POU2F2: variants seen among roughly 807,000 people sequenced by gnomAD.
POU2F2 encodes POU class 2 homeobox 2.
In POU2F2, 14 loss-of-function variants were observed where a neutral mutation model predicts 63.5. The ratio of observed to expected loss-of-function variants is 0.22; its 90% CI spans 0.15 to 0.34. The LOEUF is 0.34. Among genes scored for constraint, POU2F2 ranks in the 10% least tolerant of loss-of-function variants. The probability of loss-of-function intolerance (pLI) is 1.00; values close to 1 mark genes in which losing one functional copy is unlikely to be tolerated. For synonymous variants in POU2F2, 306 were observed against 348.6 expected, an observed-to-expected ratio of 0.88 and a Z score of 1.36; for missense variants, 607 against 815.2, an observed-to-expected ratio of 0.74 and a Z score of 3.11.
upstream of POU2F2, among the ~76,000 whole-genome samples, chr19:42,135,037 G>A (rs1458117718): frequency 6.6e-6 from 1 of 151,956 alleles, no homozygotes; most frequent in Non-Finnish European, 1.5e-5. Flanking sequence ...CACCCCTGGG[G>A]ACCCTCTCTG....
chr19:42,159,477 G>A (rs2034514557), intron 2 of POU2F2, among the ~76,000 whole-genome samples: 1 of 152,134 alleles, frequency 6.6e-6, no homozygotes, highest in Admixed American at 6.5e-5. Flanking sequence ...GAGACCTGTG[G>A]GTTAAGCTTC....
At chr19:42,173,556 C>T (rs1177995246) in intron 1 of POU2F2, among the ~76,000 whole-genome samples, 1 of 146,482 alleles carries the variant, frequency 6.8e-6, no homozygotes, top group African/African-American at 2.5e-5. Flanking sequence ...GACGGACTTG[C>T]TAGAAAAAAA....
rs1331017770 is a variant in POU2F2 at position 42,092,492 on chromosome 19, C to CTG, written c.1265-224_1265-223dup. Among the ~76,000 whole-genome samples, 2 of 152,208 alleles carry CTG rather than the reference C, an allele frequency of 1.3e-5. No homozygotes were observed. Among genetic ancestry groups the CTG allele is most frequent in the African/African-American group, 4.8e-5 (2 of 41,454 alleles). On this transcript the variant is annotated intron_variant, in intron 12 of 14. Transcript: ENST00000692977. The surrounding 1 kb of genome is among the most constrained non-coding windows in gnomAD (Gnocchi z 5.0). ...TGGAAGTCAGAGCAGGTGCTTCCTGCTGAGCCCTGGCACTCTACACTCCCT... is the reference window on the plus strand; with the variant it reads ...TGGAAGTCAGAGCAGGTGCTTCCTGCTGTGAGCCCTGGCACTCTACACTCCCT...
chr19:42,182,242 AAGAGAGAGAGAGAGAGAG>A (rs55947953), intron 1 of POU2F2, among the ~76,000 whole-genome samples: 16 of 125,880 alleles, frequency 1.3e-4, no homozygotes, highest in African/African-American at 4.6e-4. Context: ...TCTGTCTCAA[AAGAGAGAGAGAGAGAGAG>A]AGAGAGAGAG....
At chr19:42,097,879 G>A (rs908312628) in intron 7 of POU2F2, among the ~76,000 whole-genome samples, 2 of 152,202 alleles carry the variant, frequency 1.3e-5, no homozygotes, top group African/African-American at 4.8e-5. Context: ...GTGATGAAGC[G>A]TAGGCTTTTA....
intron 1 of POU2F2, among the ~76,000 whole-genome samples, chr19:42,171,555 G>A (rs2146802303): frequency 6.6e-6 from 1 of 152,104 alleles, no homozygotes; most frequent in African/African-American, 2.4e-5. Context: ...TGGGCATGGG[G>A]GGCAGTGCGG....
At chr19:42,114,615 T>C (rs2031609280) in intron 5 of POU2F2, among the ~76,000 whole-genome samples, 2 of 152,126 alleles carry the variant, frequency 1.3e-5, no homozygotes, top group African/African-American at 4.8e-5. Flanking sequence ...CCATGTTCCG[T>C]GAAGGACAGC....
intron 5 of POU2F2, among the ~76,000 whole-genome samples, chr19:42,115,411 G>T (rs1189613220): frequency 6.6e-6 from 1 of 152,214 alleles, no homozygotes. Context: ...CTGTGGAAGT[G>T]GTTGGACGGA....
intron 4 of POU2F2, among the ~76,000 whole-genome samples, chr19:42,119,983 A>G (rs2032401144): frequency 6.6e-6 from 1 of 151,960 alleles, no homozygotes; most frequent in Non-Finnish European, 1.5e-5. Flanking sequence ...CAGTGGCACC[A>G]TCAGGACTCA....
At chr19:42,115,658 G>A (rs1035125422) in intron 5 of POU2F2, among the ~76,000 whole-genome samples, 2 of 152,156 alleles carry the variant, frequency 1.3e-5, no homozygotes, top group Non-Finnish European at 2.9e-5. Context: ...GCTGCCCTTC[G>A]GAAGAGGAAG....
rs1431934321 is a variant in POU2F2, at chr19:42,169,016, C to T, written c.-70+6947G>A. On this transcript the variant is annotated intron_variant, in intron 1 of 6. Transcript: ENST00000524801. This position sits in a 1 kb window ranked among gnomAD's most constrained non-coding sequence, Gnocchi z 4.3. Reference sequence around the variant, plus strand: ...TAGAGAGCAAGGCCCAGGTCTGTCTCGTAAACCACTGTTTCCTCAGCTTCT... The same window carrying T: ...TAGAGAGCAAGGCCCAGGTCTGTCTTGTAAACCACTGTTTCCTCAGCTTCT... 6.6e-6 allele frequency among the ~76,000 whole-genome samples: 1 copy of T among 152,234 alleles called. No homozygotes were observed.
chr19:42,109,758 G>A (rs1441137046), intron 5 of POU2F2, among the ~76,000 whole-genome samples: 1 of 152,170 alleles, frequency 6.6e-6, no homozygotes, highest in Non-Finnish European at 1.5e-5. Flanking sequence ...TCCCGCTTCA[G>A]ACTCCCAAGT....
chr19:42,108,327 G>A (rs1035190368), intron 5 of POU2F2, among the ~76,000 whole-genome samples: 4 of 152,164 alleles, frequency 2.6e-5, no homozygotes, highest in Non-Finnish European at 4.4e-5. Context: ...ATGGTGGCTC[G>A]CACCTATAGT....
At chr19:42,195,051 A>AGGG (rs2035120806) in intron 1 of POU2F2, among the ~76,000 whole-genome samples, 3 of 27,782 alleles carry the variant, frequency 1.1e-4, no homozygotes, top group African/African-American at 1.7e-4. Context: ...GGGAGGAAGG[A>AGGG]AGGGAGGGAG....
chr19:42,171,092 T>C (rs1346667329), intron 1 of POU2F2, among the ~76,000 whole-genome samples: 2 of 152,240 alleles, frequency 1.3e-5, no homozygotes, highest in South Asian at 2.1e-4. Flanking sequence ...GATTCCGATG[T>C]ACCCTGTTGT....
rs2076709005 is a variant in POU2F2, at chr19:42,091,433, C to T, written c.1699G>A (p.Val567Met). ...GLPLLSTPPG[V>M]GLVSAAAAAV... ...GCAGCCGCTGCTGAGACCAGGCCCA[C>T]ACCAGGCGGGGTGCTGAGCAGGGGC... Residue 567 changes from valine to methionine, a missense_variant, in exon 15 of 15, where the codon GTG becomes ATG. By Grantham distance (21) the Val-to-Met change is conservative. Around this residue, in one of 7 missense-constraint regions of POU2F2, gnomAD observed 270 missense variants for 307.5 expected, o/e 0.88. Coordinates refer to ENST00000692977, the MANE Select transcript of POU2F2 (RefSeq NM_001394376.1). 1.3e-6 allele frequency: 2 copies of T among 1,550,468 alleles called. No individual in the cohort carries two copies. Among genetic ancestry groups the T allele is most frequent in the Non-Finnish European group, 1.7e-6 (2 of 1,146,936 alleles).
rs114861879 is a variant in POU2F2, at chr19:42,186,087, G to A, written c.-70+10296C>T. On this transcript the variant is annotated intron_variant, in intron 1 of 5. Transcript: ENST00000532176. Reference sequence around the variant, plus strand: ...GAATTTTAAAGGGGACTGGGACGCCGAGGCGGGTGGATCATGAGGTCAGGA... The same window carrying A: ...GAATTTTAAAGGGGACTGGGACGCCAAGGCGGGTGGATCATGAGGTCAGGA... 5.4e-3 allele frequency among the ~76,000 whole-genome samples: 815 copies of A among 152,144 alleles called. 10 individuals are homozygous for A. Among genetic ancestry groups the A allele is most frequent in the African/African-American group, 0.019 (773 of 41,498 alleles).
chr19:42,163,049 A>G (rs1314983243), intron 1 of POU2F2, among the ~76,000 whole-genome samples: 1 of 152,134 alleles, frequency 6.6e-6, no homozygotes, highest in East Asian at 1.9e-4. Context: ...TCACTTGCTC[A>G]AGGTCACACA....
chr19:42,103,749 C>T (rs1305450439), intron 5 of POU2F2, among the ~76,000 whole-genome samples: 2 of 151,200 alleles, frequency 1.3e-5, no homozygotes, highest in Non-Finnish European at 2.9e-5. Flanking sequence ...TCTCCTGCCT[C>T]AGCCTCCCAA....
Sources: allele counts gnomAD v4.1 joint callset (sites outside exome capture counted in the v4.1 genomes callset), GRCh38; gene constraint gnomAD v4.1.1; regional missense constraint gnomAD v4.1.1; non-coding constraint Gnocchi (gnomAD v3.1); transcripts MANE v1.5; gene names NCBI Gene and HGNC (gene_info 2026-07-23, HGNC 2026-07-21).